ZNF536: variants seen among roughly 807,000 people sequenced by gnomAD.
The protein encoded by ZNF536 is zinc finger protein 536.
In ZNF536, 13 loss-of-function variants were observed where a neutral mutation model predicts 84.5. The observed-to-expected ratio is 0.15, with a 90% CI of 0.10 to 0.24. ZNF536 has a LOEUF of 0.24. Ranked by LOEUF, ZNF536 falls within the 10% of genes least tolerant of loss-of-function variation. The pLI is 1.00. For synonymous variants in ZNF536, 811 were observed against 742.5 expected (o/e 1.09, Z -1.50); for missense variants, 1,536 against 1,747.5 (o/e 0.88, Z 2.16).
intron 2 of ZNF536, among the ~76,000 whole-genome samples, chr19:30,472,214 C>T (rs4805570): frequency 6.6e-6 from 1 of 152,198 alleles, no homozygotes; most frequent in Non-Finnish European, 1.5e-5. Context: ...TCTAATCAGC[C>T]ATATGGCATG....
At chr19:30,482,012 G>A (rs970977583) in intron 2 of ZNF536, among the ~76,000 whole-genome samples, 13 of 152,194 alleles carry the variant, frequency 8.5e-5, no homozygotes, top group African/African-American at 2.9e-4. Context: ...TTTGATGACT[G>A]AGTAGTATTC....
chr19:30,598,833 A>C (rs2047555651), intron 1 of ZNF536, among the ~76,000 whole-genome samples: 1 of 151,884 alleles, frequency 6.6e-6, no homozygotes, highest in South Asian at 2.1e-4. Context: ...TCTTGGGAAA[A>C]ATTTCTTCTC....
chr19:30,264,962 T>TGA (rs1416736166), intron 1 of ZNF536, among the ~76,000 whole-genome samples: 55 of 83,566 alleles, frequency 6.6e-4, no homozygotes, highest in African/African-American at 3.4e-3. Context: ...TGTGTGTGTG[T>TGA]GTGTGAGAGA....
chr19:30,583,017 C>G (rs890052500), intron 1 of ZNF536, among the ~76,000 whole-genome samples: 2 of 152,170 alleles, frequency 1.3e-5, no homozygotes, highest in Non-Finnish European at 2.9e-5. Context: ...CCTAACTCAG[C>G]CTCCCAAAGT....
At chr19:30,239,557 C>T (rs946844458) in intron 1 of ZNF536, among the ~76,000 whole-genome samples, 2 of 152,186 alleles carry the variant, frequency 1.3e-5, no homozygotes, top group Non-Finnish European at 2.9e-5. Flanking sequence ...GTTGTAGTTG[C>T]AAAGATTCTA....
chr19:30,594,203 G>A (rs2047369150), intron 1 of ZNF536, among the ~76,000 whole-genome samples: 1 of 152,192 alleles, frequency 6.6e-6, no homozygotes, highest in Admixed American at 6.5e-5. Flanking sequence ...CTTACGTATA[G>A]CTGTCACCAT....
chr19:30,411,082 T>C (rs1240341225), intron 1 of ZNF536, among the ~76,000 whole-genome samples: 1 of 152,240 alleles, frequency 6.6e-6, no homozygotes, highest in African/African-American at 2.4e-5. Flanking sequence ...ATTTCCATTC[T>C]TTCTCCAATT....
intron 2 of ZNF536, among the ~76,000 whole-genome samples, chr19:30,457,498 G>A (rs2052909454): frequency 6.6e-6 from 1 of 152,218 alleles, no homozygotes; most frequent in African/African-American, 2.4e-5. Flanking sequence ...CAGGATGGGA[G>A]CTGCTGAGGC....
chr19:30,298,318 G>A (rs1473801894), intron 2 of ZNF536, among the ~76,000 whole-genome samples: 1 of 152,134 alleles, frequency 6.6e-6, no homozygotes, highest in Non-Finnish European at 1.5e-5. Flanking sequence ...GTTGCAACTG[G>A]ACCATAGGAG....
chr19:30,384,161 T>TTTCG (rs1555738488), intron 1 of ZNF536, among the ~76,000 whole-genome samples: 8 of 115,128 alleles, frequency 6.9e-5, no homozygotes, highest in African/African-American at 2.8e-4. Flanking sequence ...TCTTTCTTTC[T>TTTCG]TTCGTTTCCT....
At chr19:30,364,795 C>T (rs1014654786) in intron 3 of ZNF536, among the ~76,000 whole-genome samples, 8 of 152,172 alleles carry the variant, frequency 5.3e-5, no homozygotes, top group African/African-American at 1.9e-4. Context: ...CCTTTATATT[C>T]ATCAGGGTCA....
intron 1 of ZNF536, among the ~76,000 whole-genome samples, chr19:30,617,365 T>TTTTTTTTTTTTTTTTG (rs2048337974): frequency 8.0e-6 from 1 of 125,160 alleles, no homozygotes; most frequent in Non-Finnish European, 1.7e-5. Flanking sequence ...TTTTTTTTTT[T>TTTTTTTTTTTTTTTTG]TATGAGATGG....
intron 1 of ZNF536, among the ~76,000 whole-genome samples, chr19:30,426,118 T>G (rs926605147): frequency 6.6e-6 from 1 of 152,190 alleles, no homozygotes; most frequent in African/African-American, 2.4e-5. Flanking sequence ...CTGCAACCCC[T>G]GAGGAGCTAC....
At chr19:30,559,572 C>A (rs1294877919), downstream of ZNF536, among the ~76,000 whole-genome samples, 1 of 152,186 alleles carries the variant, frequency 6.6e-6, no homozygotes, top group African/African-American at 2.4e-5. Flanking sequence ...TCATGTACAC[C>A]CCGCTGCCCA....
chr19:30,639,297 TA>T (rs2049180485), intron 1 of ZNF536, among the ~76,000 whole-genome samples: 1 of 152,262 alleles, frequency 6.6e-6, no homozygotes, highest in Non-Finnish European at 1.5e-5. Flanking sequence ...TAACTATTTT[TA>T]AGAACGTATT....
intron 2 of ZNF536, chr19:30,300,347 C>A (rs1312965465): frequency 1.3e-5 from 2 of 152,186 alleles, no homozygotes; most frequent in Non-Finnish European, 1.5e-5. Context: ...TTCCTGGGGT[C>A]TCTTTGCTCT....
At chr19:30,261,719 A>G (rs1035759840) in intron 1 of ZNF536, among the ~76,000 whole-genome samples, 7 of 148,296 alleles carry the variant, frequency 4.7e-5, no homozygotes, top group African/African-American at 1.7e-4. Flanking sequence ...AAAAAAAAAG[A>G]AAAAGAAAAG....
At chr19:30,281,493 C>T (rs1295750505) in intron 1 of ZNF536, among the ~76,000 whole-genome samples, 3 of 144,760 alleles carry the variant, frequency 2.1e-5, no homozygotes, top group East Asian at 2.0e-4. Flanking sequence ...TCCTGGCAAC[C>T]GGGACCTTCA....
intron 1 of ZNF536, among the ~76,000 whole-genome samples, chr19:30,575,600 C>G (rs1217765910): frequency 6.6e-6 from 1 of 152,230 alleles, no homozygotes; most frequent in Non-Finnish European, 1.5e-5. Flanking sequence ...GAGGCAAAAA[C>G]TCCTCCCTGC....
Sources: gnomAD v4.1 joint callset for allele counts (sites outside exome capture counted in the v4.1 genomes callset) on GRCh38, gnomAD v4.1.1 for gene constraint, MANE v1.5 for transcripts, NCBI Gene and HGNC (gene_info 2026-07-23, HGNC 2026-07-21) for gene names.